The following SEL1L variants were observed in gnomAD, a reference collection of about 807,000 sequenced individuals.
SEL1L encodes SEL1L adaptor subunit of SYVN1 ubiquitin ligase, also known as protein sel-1 homolog 1.
In SEL1L, 52 loss-of-function variants were observed where a neutral mutation model predicts 109.8. The ratio of observed to expected loss-of-function variants is 0.47; its 90% confidence interval spans 0.38 to 0.60. SEL1L has a LOEUF of 0.60. SEL1L is among the 20% of genes least tolerant of loss of function. The probability of loss-of-function intolerance (pLI) is 0.00; values close to 1 mark genes in which losing one functional copy is unlikely to be tolerated. For missense variants in SEL1L, 749 were observed against 962.2 expected, an observed-to-expected ratio of 0.78 and a Z score of 2.93; for synonymous variants, 373 against 339.6, an observed-to-expected ratio of 1.10 and a Z score of -1.08.
chr14:81,487,332 A>C, intron 16 of SEL1L, 58 bp downstream of exon 16: 1 of 1,489,078 alleles, frequency 6.7e-7, no homozygotes, highest in Non-Finnish European at 8.9e-7. Flanking sequence ...TTGAAAGCGC[A>C]GACTTTCCTG....
chr14:81,513,890 C>G (rs1884590379), intron 3 of SEL1L, among the ~76,000 whole-genome samples: 1 of 152,270 alleles, frequency 6.6e-6, no homozygotes, highest in Non-Finnish European at 1.5e-5. Flanking sequence ...GTTTGTTGAC[C>G]CTGTGGCCAT....
intron 6 of SEL1L, 135 bp from the exon 7 acceptor site, chr14:81,499,797 G>C (rs1883927147): frequency 3.8e-6 from 2 of 528,924 alleles, no homozygotes; most frequent in East Asian, 3.3e-5. Context: ...ATTCAAGTAT[G>C]TACAAACATG....
At chr14:81,524,094 G>A (rs773037143) in intron 3 of SEL1L, among the ~76,000 whole-genome samples, 10 of 152,158 alleles carry the variant, frequency 6.6e-5, no homozygotes, top group Non-Finnish European at 1.3e-4. Context: ...AAGACTTGAT[G>A]AGAGAAAATT....
intron 4 of SEL1L, among the ~76,000 whole-genome samples, chr14:81,505,168 A>G (rs956303205): frequency 2.6e-5 from 4 of 152,250 alleles, no homozygotes; most frequent in African/African-American, 4.8e-5. Context: ...TATCTTTACA[A>G]GGTGAAAATA....
intron 3 of SEL1L, among the ~76,000 whole-genome samples, chr14:81,521,853 C>T (rs1482321948): frequency 3.3e-5 from 5 of 152,034 alleles, no homozygotes; most frequent in African/African-American, 9.7e-5. Context: ...GTACAGGCAT[C>T]GTTATCATAG....
chr14:81,499,063 G>T, intron 8 of SEL1L: 1 of 871,654 alleles, frequency 1.1e-6, no homozygotes, highest in Non-Finnish European at 1.4e-6. Flanking sequence ...GCAAAATATT[G>T]TATAATATTT....
rs1243017379 is a variant in SEL1L at position 81,499,278 on chromosome 14, T to G, written c.891+181A>C. 4 of 1,265,526 alleles carry G rather than the reference T, an allele frequency of 3.2e-6. No homozygotes were observed. In the African/African-American group the frequency reaches 6.2e-5, roughly 20 times the overall value. 78.4% of individuals were successfully genotyped at this position (1,265,526 alleles called of 1,614,324 possible). ...AGAAAAATTGTGGACTCCACCAACT[T>G]TCATTTACATGTAGATTCCATGTGT... is the stretch of plus-strand genomic sequence containing the variant. On this transcript the variant is annotated intron_variant, in intron 8 of 20. Coordinates refer to ENST00000336735, the MANE Select transcript of SEL1L (RefSeq NM_005065.6).
rs1254376372 is a variant in SEL1L at position 81,533,772 on chromosome 14, T to C, written c.-28A>G. 17 of 1,607,026 alleles carry C rather than the reference T, an allele frequency of 1.1e-5. No homozygotes were observed. The highest frequency in any genetic ancestry group is 1.4e-5 in the Non-Finnish European group (16 of 1,176,564). On this transcript the variant is annotated 5_prime_UTR_variant, in exon 1 of 21. Transcript: ENST00000336735. ...TCCTCTCGGGGCCGGTGCCAACCCC[T>C]AGAGCTGTCGCCTTCGCCTCTGCCA...
At position 81,472,961 on chromosome 14, in the gene SEL1L, AG is replaced by A. The variant is rs1332727224; in HGVS notation, c.*4010del. 6.6e-5 allele frequency: 11 copies of A among 167,516 alleles called. No homozygotes were observed. Among genetic ancestry groups the A allele is most frequent in the African/African-American group, 2.6e-4 (11 of 41,580 alleles). The allele number at this position is 167,516 out of a possible 1,614,324, so 10.4% of individuals were successfully genotyped here. On this transcript the variant is annotated 3_prime_UTR_variant, in exon 21 of 21. Coordinates refer to ENST00000336735, the MANE Select transcript of SEL1L (RefSeq NM_005065.6). ...CTTTATTTCACAAGTTTCAAGATAC[AG>A]TACAAAACGATTCTGTACATCTCTC...
Position 81,484,541 on chromosome 14 carries a change from G to T in SEL1L, c.1874-144C>A, listed in dbSNP as rs1270581795. On this transcript the variant is annotated intron_variant, in intron 18 of 20. Transcript: ENST00000336735. ...ACAAACTTTGTAACAAATCCTTTCA[G>T]CCAAGTTATAAAGTCCAGTAAAAAT... The T allele has an allele frequency of 6.7e-6, 5 of 746,350 alleles. No homozygotes were observed. The Admixed American group carries it at 8.8e-5, about 13-fold the overall frequency. 46.2% of individuals were successfully genotyped at this position (746,350 alleles called of 1,614,324 possible).
intron 8 of SEL1L, 128 bp downstream of exon 8, chr14:81,499,331 A>C: frequency 7.0e-7 from 1 of 1,434,600 alleles, no homozygotes; most frequent in Non-Finnish European, 9.2e-7. Context: ...ATTTGAAGGA[A>C]GTTCAACTGA....
At chr14:81,529,688 T>C (rs538130399) in intron 1 of SEL1L, among the ~76,000 whole-genome samples, 59 of 152,344 alleles carry the variant, frequency 3.9e-4, no homozygotes, top group African/African-American at 1.3e-3. Context: ...ACCTGGACTA[T>C]ATGCTAATAT....
At chr14:81,510,562 T>C (rs1340716587) in intron 3 of SEL1L, among the ~76,000 whole-genome samples, 2 of 150,856 alleles carry the variant, frequency 1.3e-5, no homozygotes, top group African/African-American at 4.9e-5. Context: ...TATAAGCACA[T>C]CTTTTTCTCA....
At chr14:81,494,021 T>C (rs7153088) in intron 11 of SEL1L, among the ~76,000 whole-genome samples, 7,980 of 152,244 alleles carry the variant, frequency 0.052, 677 homozygotes, top group African/African-American at 0.18. Context: ...ATCTCATCTA[T>C]TCCCATAGAT....
Position 81,505,944 on chromosome 14 carries a change from G to A in SEL1L, c.508+130C>T, listed in dbSNP as rs186226044. 2.7e-5 allele frequency: 22 copies of A among 826,920 alleles called. No homozygotes were observed. The Admixed American group carries it at 5.2e-4, about 20-fold the overall frequency. 51.2% of individuals were successfully genotyped at this position (826,920 alleles called of 1,614,324 possible). On this transcript the variant is annotated intron_variant, in intron 4 of 20. Coordinates refer to ENST00000336735, the MANE Select transcript of SEL1L (RefSeq NM_005065.6). ...TCCCACTCTTAAGTCCACTCTTTAA[G>A]GCTGTAATGACATCAGCAATGCTGG...
At chr14:81,520,916 T>C (rs1380064416) in intron 3 of SEL1L, among the ~76,000 whole-genome samples, 1 of 152,184 alleles carries the variant, frequency 6.6e-6, no homozygotes, top group Admixed American at 6.5e-5. Flanking sequence ...AGGCATTACT[T>C]AGAGGCCTTG....
At chr14:81,505,999 G>GCTAGAAAAAGGC (rs1884222795) in intron 4 of SEL1L, 75 bp downstream of exon 4, 1 of 1,400,800 alleles carries the variant, frequency 7.1e-7, no homozygotes, top group African/African-American at 1.4e-5. Flanking sequence ...AAAAAGGATG[G>GCTAGAAAAAGGC]CTAGAAAAAG....
chr14:81,484,559 G>C, intron 18 of SEL1L, 162 bp from the exon 19 acceptor site: 1 of 653,376 alleles, frequency 1.5e-6, no homozygotes, highest in African/African-American at 1.8e-5. Context: ...ATAAAGTCCA[G>C]TAAAAATTTA....
rs936005883 is a variant in SEL1L at position 81,471,822 on chromosome 14, C to G, written c.*5150G>C. ...ATTAAAAGCTTGTTCAATTTGATGG[C>G]GAAGTAGTGACGTAAGTGACATGAG... On this transcript the variant is annotated 3_prime_UTR_variant, in exon 21 of 21. Transcript: ENST00000336735. 6 of 152,164 alleles carry G rather than the reference C, an allele frequency of 3.9e-5. 1 individual carries two copies. The Middle Eastern group carries it at 0.014, about 345-fold the overall frequency. The allele number at this position is 152,164 out of a possible 1,614,324, so 9.4% of individuals were successfully genotyped here.
Sources: allele counts gnomAD v4.1 joint callset (sites outside exome capture counted in the v4.1 genomes callset), GRCh38; gene constraint gnomAD v4.1.1; transcripts MANE v1.5; gene names NCBI Gene and HGNC (gene_info 2026-07-23, HGNC 2026-07-21).